Variants in ARL1 observed in about 807,000 individuals in gnomAD.
The protein encoded by ARL1 is ARF like GTPase 1.
Under a neutral mutation model 30.1 loss-of-function variants are expected in ARL1, and 17 were observed. The observed-to-expected ratio is 0.56, with a 90% CI of 0.39 to 0.85. The LOEUF is 0.85. Among genes scored for constraint, ARL1 ranks in the 40% least tolerant of loss-of-function variants. The pLI, the probability that ARL1 is intolerant of heterozygous loss-of-function variation, is 0.00. For missense variants in ARL1, 102 were observed against 212.6 expected, an observed-to-expected ratio of 0.48 and a Z score of 3.24; for synonymous variants, 58 against 71.7, an observed-to-expected ratio of 0.81 and a Z score of 0.97.
intron 4 of ARL1, among the ~76,000 whole-genome samples, chr12:101,399,824 T>C (rs1871254738): frequency 1.3e-5 from 2 of 152,214 alleles, no homozygotes; most frequent in South Asian, 4.1e-4. Context: ...ATAAGATGTA[T>C]TGAATTCTTA....
chr12:101,400,969 G>A, intron 4 of ARL1, 93 bp downstream of exon 4: 3 of 810,062 alleles, frequency 3.7e-6, no homozygotes, highest in Middle Eastern at 4.7e-4. Flanking sequence ...TAAAAGGATG[G>A]AGGGAACAAC....
At chr12:101,403,757 C>T (rs1486661269) in intron 2 of ARL1, 4 of 152,350 alleles carry the variant, frequency 2.6e-5, no homozygotes. Flanking sequence ...GTCAGGAGTT[C>T]GAGACCAGCC....
chr12:101,400,883 T>C (rs1389214933), intron 4 of ARL1, among the ~76,000 whole-genome samples, 179 bp downstream of exon 4: 1 of 152,254 alleles, frequency 6.6e-6, no homozygotes, highest in African/African-American at 2.4e-5. Flanking sequence ...GGTTAATTTT[T>C]GTTGTTGTTT....
At position 101,394,890 on chromosome 12, in the gene ARL1, T is replaced by C. The variant is rs1871105005; in HGVS notation, c.*750A>G. The C allele has an allele frequency of 6.6e-6, 1 of 152,200 alleles. No individual in the cohort carries two copies. The highest frequency in any genetic ancestry group is 6.5e-5 in the Admixed American group (1 of 15,272). 9.4% of individuals were successfully genotyped at this position (152,200 alleles called of 1,614,324 possible). On this transcript the variant is annotated 3_prime_UTR_variant, in exon 6 of 6. Transcript: ENST00000261636. ...ACCAAAAGTTTTACTTTGAGCCCTA[T>C]TCCTACCTTACAAGCTAGCAGGTGA...
Position 101,402,864 on chromosome 12 carries a change from C to T in ARL1, c.224+1G>A. 1 of 1,606,474 alleles carries T rather than the reference C, an allele frequency of 6.2e-7. No homozygotes were observed. The highest frequency in any genetic ancestry group is 8.5e-7 in the Non-Finnish European group (1 of 1,173,746). On this transcript the variant is annotated splice_donor_variant, in intron 3 of 5. Transcript: ENST00000261636. LOFTEE classifies it high-confidence loss of function. ...CAAATAACCTGGTCTTTGTACCATACCTGATACTTGTCTGTCCTCCTAAAT... is the reference window on the plus strand; with the variant it reads ...CAAATAACCTGGTCTTTGTACCATATCTGATACTTGTCTGTCCTCCTAAAT...
chr12:101,396,103 AAG>A (rs1316899581), intron 5 of ARL1: 8 of 591,248 alleles, frequency 1.4e-5, no homozygotes, highest in East Asian at 1.1e-4. Context: ...AGCTCTTCAG[AAG>A]AGAGTCTTAA....
rs148290690 is a variant in ARL1, at chr12:101,400,611, G to A, written c.336+451C>T. The stretch of plus-strand genomic sequence containing the variant: ...GGCCCTGAGCCAGGTGTGCAAGCTC[G>A]TGTCCAAAGAACAGAAAGAAGGTCA... On this transcript the variant is annotated intron_variant, in intron 4 of 5. Coordinates refer to ENST00000261636, the MANE Select transcript of ARL1 (RefSeq NM_001177.6). Among the ~76,000 whole-genome samples, 1,222 of 152,202 alleles carry A rather than the reference G, an allele frequency of 8.0e-3. 21 individuals carry two copies. Among genetic ancestry groups the A allele is most frequent in the African/African-American group, 0.028 (1,159 of 41,530 alleles).
Position 101,395,406 on chromosome 12 carries a change from A to G in ARL1, c.*234T>C. On this transcript the variant is annotated 3_prime_UTR_variant, in exon 6 of 6. Transcript: ENST00000261636. ...CCATACAAATAGAATATATACCTTAACACAAGAAAGCAAGAAAAGAATATT... is the reference window on the plus strand; with the variant it reads ...CCATACAAATAGAATATATACCTTAGCACAAGAAAGCAAGAAAAGAATATT... 2.1e-6 allele frequency: 1 copy of G among 471,036 alleles called. No homozygotes were observed. Among genetic ancestry groups the G allele is most frequent in the South Asian group, 4.5e-5 (1 of 22,070 alleles). The allele number at this position is 471,036 out of a possible 1,614,324, so 29.2% of individuals were successfully genotyped here.
intron 4 of ARL1, among the ~76,000 whole-genome samples, chr12:101,399,509 T>TAAAAAAAAAAA (rs200979843): frequency 1.8e-5 from 2 of 110,562 alleles, no homozygotes; most frequent in Non-Finnish European, 3.4e-5. Flanking sequence ...AGACTCTGTC[T>TAAAAAAAAAAA]AAAAAAAAAA....
At chr12:101,403,172 C>A (rs1299263702) in intron 2 of ARL1, 1 of 484,368 alleles carries the variant, frequency 2.1e-6, no homozygotes, top group Admixed American at 2.9e-5. Context: ...GCTCTGCTCC[C>A]CCACACATGT....
Position 101,405,968 on chromosome 12 carries a change from T to C in ARL1, c.18A>G (p.Ser6=). 3 of 1,561,712 alleles carry C rather than the reference T, an allele frequency of 1.9e-6. No individual in the cohort carries two copies. The highest frequency in any genetic ancestry group is 3.9e-5 in the Admixed American group (2 of 51,146). The change falls in exon 2 of 6, where the codon TCA becomes TCG. Residue 6 remains serine, a synonymous_variant. Transcript: ENST00000261636. MGGFF[S]SIFSSLFGTR... ...TTCCAAACAGACTGGAAAATATACT[T>C]GAGAAAAAGCCACCTAAAAAATAAT...
intron 1 of ARL1, among the ~76,000 whole-genome samples, chr12:101,406,802 T>A (rs4359261): frequency 9.2e-5 from 14 of 152,236 alleles, no homozygotes; most frequent in African/African-American, 3.4e-4. Flanking sequence ...CTTTCTACCA[T>A]TTACAGGTAG....
At chr12:101,397,771 G>A (rs915486440) in intron 4 of ARL1, among the ~76,000 whole-genome samples, 1 of 151,926 alleles carries the variant, frequency 6.6e-6, no homozygotes, top group Non-Finnish European at 1.5e-5. Context: ...CAAAGTGCTG[G>A]GATTACAGGC....
chr12:101,403,770 G>A (rs948420552), intron 2 of ARL1: 4 of 152,504 alleles, frequency 2.6e-5, no homozygotes, highest in African/African-American at 4.8e-5. Flanking sequence ...GACCAGCCTA[G>A]CCAACACTGT....
chr12:101,400,526 G>A (rs562035414), intron 4 of ARL1: 2 of 152,712 alleles, frequency 1.3e-5, no homozygotes, highest in South Asian at 4.1e-4. Context: ...CGTCAGGAAG[G>A]CAGCCATGCA....
At chr12:101,402,287 C>G (rs1330066728) in intron 3 of ARL1, among the ~76,000 whole-genome samples, 1 of 152,184 alleles carries the variant, frequency 6.6e-6, no homozygotes, top group African/African-American at 2.4e-5. Context: ...AGTCCTGGTA[C>G]AAGCAATTCT....
At chr12:101,402,627 T>C (rs575526988) in intron 3 of ARL1, among the ~76,000 whole-genome samples, 65 of 152,182 alleles carry the variant, frequency 4.3e-4, no homozygotes, top group Non-Finnish European at 2.9e-4. Flanking sequence ...GCTGAAGTAA[T>C]AAGGTCTTGA....
chr12:101,393,905 T>G lies in ARL1; in HGVS notation c.*1735A>C, dbSNP rs553374830. On this transcript the variant is annotated 3_prime_UTR_variant, in exon 6 of 6. Transcript: ENST00000261636. The stretch of plus-strand genomic sequence containing the variant: ...AGTATAAATTGCAAAGGGCTACTTG[T>G]CAAGATGACAAATATCTATCCTACT... The G allele has an allele frequency of 6.6e-6, 1 of 151,986 alleles. No homozygotes were observed. Among genetic ancestry groups the G allele is most frequent in the East Asian group, 1.9e-4 (1 of 5,180 alleles). 9.4% of individuals were successfully genotyped at this position (151,986 alleles called of 1,614,324 possible). A position where few individuals can be genotyped will look rare whatever the true frequency, so the allele number is the denominator to read the frequency against.
chr12:101,406,082 T>A, intron 1 of ARL1, 101 bp from the exon 2 acceptor site: 2 of 955,660 alleles, frequency 2.1e-6, no homozygotes, highest in Non-Finnish European at 3.0e-6. Context: ...CCAAATTAAA[T>A]ATTATAATTT....
Sources: allele counts gnomAD v4.1 joint callset (sites outside exome capture counted in the v4.1 genomes callset), GRCh38; gene constraint gnomAD v4.1.1; transcripts MANE v1.5; gene names NCBI Gene and HGNC (gene_info 2026-07-23, HGNC 2026-07-21).